CDK14: variants seen among roughly 807,000 people sequenced by gnomAD.
The protein encoded by CDK14 is cyclin-dependent kinase 14.
Under a neutral mutation model 60.7 loss-of-function variants are expected in CDK14, and 34 were observed. The observed-to-expected ratio is 0.56, with a 90% CI of 0.43 to 0.75. CDK14 has a LOEUF of 0.75. CDK14 is among the 30% of genes least tolerant of loss of function. CDK14 has a pLI of 0.00. For synonymous variants in CDK14, 197 were observed against 203.7 expected (o/e 0.97, Z 0.28); for missense variants, 482 against 564.1 (o/e 0.85, Z 1.47).
intron 14 of CDK14, among the ~76,000 whole-genome samples, chr7:91,152,043 T>C (rs1800841702): frequency 6.6e-6 from 1 of 152,342 alleles, no homozygotes; most frequent in Admixed American, 6.5e-5. Context: ...TGGGCTTGGT[T>C]GGCTTTGTAA....
chr7:90,976,400 G>A (rs1394703628), intron 9 of CDK14, among the ~76,000 whole-genome samples: 3 of 152,062 alleles, frequency 2.0e-5, no homozygotes, highest in Admixed American at 1.3e-4. Flanking sequence ...CTGTCACTTA[G>A]GGTGGAGTGC....
intron 2 of CDK14, among the ~76,000 whole-genome samples, chr7:90,626,139 A>G (rs1443469630): frequency 6.6e-6 from 1 of 152,162 alleles, no homozygotes; most frequent in Non-Finnish European, 1.5e-5. Flanking sequence ...CCATTTACTT[A>G]GAGGCGGGAA....
intron 10 of CDK14, among the ~76,000 whole-genome samples, chr7:91,023,014 A>ATTT (rs764692685): frequency 1.0e-5 from 1 of 97,484 alleles, no homozygotes. Context: ...TGAAGTATAT[A>ATTT]TTTTTTTTTT....
At chr7:90,602,920 CAG>C (rs970736532) in intron 1 of CDK14, among the ~76,000 whole-genome samples, 16 of 152,184 alleles carry the variant, frequency 1.1e-4, no homozygotes, top group South Asian at 2.1e-4. Context: ...ATATATGAAA[CAG>C]AGAAAATAAC....
At chr7:90,774,940 T>A (rs896020953) in intron 4 of CDK14, among the ~76,000 whole-genome samples, 1 of 152,240 alleles carries the variant, frequency 6.6e-6, no homozygotes, top group Non-Finnish European at 1.5e-5. Flanking sequence ...GTTAATACTA[T>A]TTGGCAATGA....
In CDK14 at chr7:90,982,438, C is replaced by T. The variant is rs371532589; in HGVS notation, c.948-1710C>T. ...CTGTAGCTGCCCTGAATCATCTGAG[C>T]AGCCCATGTGGATGCCTGGGCTCCA... On this transcript the variant is annotated intron_variant, in intron 9 of 14. Coordinates refer to ENST00000380050, the MANE Select transcript of CDK14 (RefSeq NM_001287135.2). 9.9e-5 allele frequency among the ~76,000 whole-genome samples: 15 copies of T among 152,148 alleles called. 1 individual carries two copies. Among genetic ancestry groups the T allele is most frequent in the Admixed American group, 6.5e-4 (10 of 15,282 alleles).
chr7:90,669,368 A>G (rs780496523), intron 2 of CDK14, among the ~76,000 whole-genome samples: 5 of 152,176 alleles, frequency 3.3e-5, no homozygotes, highest in Non-Finnish European at 5.9e-5. Context: ...AGTTTAGTCT[A>G]CAGACTGACC....
chr7:90,690,055 AAAGTAAATATTTT>A (rs1801522872), intron 2 of CDK14, among the ~76,000 whole-genome samples: 1 of 152,164 alleles, frequency 6.6e-6, no homozygotes. Context: ...ACCTTTTTAA[AAAGTAAATATTTT>A]CTTCTGTGTA....
chr7:90,933,454 G>A (rs921076728), intron 8 of CDK14, among the ~76,000 whole-genome samples: 4 of 152,216 alleles, frequency 2.6e-5, no homozygotes, highest in African/African-American at 9.6e-5. Flanking sequence ...TTTGCCTGTA[G>A]TATCTTTTCA....
chr7:91,004,503 G>T (rs139839295), intron 10 of CDK14, among the ~76,000 whole-genome samples: 62 of 152,306 alleles, frequency 4.1e-4, no homozygotes, highest in African/African-American at 1.3e-3. Context: ...AAGCCTAAAG[G>T]TGTGTGAGCA....
At chr7:90,884,520 T>C (rs781185012) in intron 6 of CDK14, among the ~76,000 whole-genome samples, 3 of 152,212 alleles carry the variant, frequency 2.0e-5, no homozygotes, top group African/African-American at 7.2e-5. Context: ...CAAAGTAATT[T>C]ATAGATTCAA....
chr7:90,730,471 A>G (rs952898719), intron 3 of CDK14, among the ~76,000 whole-genome samples: 1 of 152,186 alleles, frequency 6.6e-6, no homozygotes, highest in African/African-American at 2.4e-5. Flanking sequence ...CACTCCCACC[A>G]ATAGTGTAAA....
intron 14 of CDK14, among the ~76,000 whole-genome samples, chr7:91,196,545 G>A (rs547211800): frequency 6.6e-6 from 1 of 152,222 alleles, no homozygotes; most frequent in African/African-American, 2.4e-5. Flanking sequence ...AGTGATTCAG[G>A]CAACACTTGT....
rs182433005 is a variant in CDK14 at position 90,610,713 on chromosome 7, C to T, written c.123+6464C>T. On this transcript the variant is annotated intron_variant, in intron 2 of 14. Coordinates refer to ENST00000380050, the MANE Select transcript of CDK14 (RefSeq NM_001287135.2). ...CCCTGTGTCTTTTTACATTGTTTTC[C>T]CTTAATGCATGGCTGTCTATCTAAA... Among the ~76,000 whole-genome samples the T allele has an allele frequency of 3.9e-5, 6 of 152,294 alleles. No individual in the cohort carries two copies. The East Asian group carries it at 9.6e-4, about 24-fold the overall frequency.
chr7:90,604,001 C>T (rs947337865), intron 1 of CDK14, among the ~76,000 whole-genome samples: 24 of 152,170 alleles, frequency 1.6e-4, no homozygotes, highest in African/African-American at 4.6e-4. Context: ...GTTCTATTTG[C>T]ATATTTATAA....
intron 12 of CDK14, among the ~76,000 whole-genome samples, chr7:91,098,378 A>C (rs116790600): frequency 0.028 from 4,262 of 152,238 alleles, 197 homozygotes; most frequent in African/African-American, 0.095. Flanking sequence ...TTTTTTAGGG[A>C]TAGCATTAGG....
At position 90,668,696 on chromosome 7, in the gene CDK14, ATTCTTTTTTTTT is replaced by A. The variant is rs1329142302; in HGVS notation, c.124-57868_124-57857del. On this transcript the variant is annotated intron_variant, in intron 2 of 14. Transcript: ENST00000380050. The stretch of plus-strand genomic sequence containing the variant: ...TTATATGGTGTAAGGAAGGACTCGC[ATTCTTTTTTTTT>A]TTTTTTTTTTTTTTTTTTCAACTGG... Among the ~76,000 whole-genome samples, 10 of 68,434 alleles carry A rather than the reference ATTCTTTTTTTTT, an allele frequency of 1.5e-4. No homozygotes were observed. In the East Asian group the frequency reaches 5.0e-3, roughly 34 times the overall value. The allele number at this position is 68,434 out of a possible 152,430, so 44.9% of individuals were successfully genotyped here. A position where few individuals can be genotyped will look rare whatever the true frequency, so the allele number is the denominator to read the frequency against.
Position 90,769,470 on chromosome 7 carries a change from C to CTTT in CDK14, c.465-21102_465-21100dup, listed in dbSNP as rs10647062. The stretch of plus-strand genomic sequence containing the variant: ...GACTTCTGTGATTTCTTTCTCTTTT[C>CTTT]TTTCTTTTTTTTTTTGACTGAGCCC... On this transcript the variant is annotated intron_variant, in intron 4 of 14. Transcript: ENST00000380050. 5.5e-3 allele frequency among the ~76,000 whole-genome samples: 794 copies of CTTT among 144,158 alleles called. 16 individuals carry two copies. The highest frequency in any genetic ancestry group is 0.016 in the African/African-American group (644 of 39,036). The allele number at this position is 144,158 out of a possible 152,430, so 94.6% of individuals were successfully genotyped here. A position where few individuals can be genotyped will look rare whatever the true frequency, so the allele number is the denominator to read the frequency against.
chr7:90,841,243 T>G (rs1304168738), intron 5 of CDK14, among the ~76,000 whole-genome samples: 1 of 152,138 alleles, frequency 6.6e-6, no homozygotes, highest in African/African-American at 2.4e-5. Flanking sequence ...AAATAATTCA[T>G]TTGTCCAAAC....
Sources: allele counts gnomAD v4.1 joint callset (sites outside exome capture counted in the v4.1 genomes callset), GRCh38; gene constraint gnomAD v4.1.1; transcripts MANE v1.5; gene names NCBI Gene and HGNC (gene_info 2026-07-23, HGNC 2026-07-21).